The following KCNJ3 variants were observed in gnomAD, a reference collection of about 807,000 sequenced individuals.
KCNJ3 encodes the protein potassium inwardly rectifying channel subfamily J member 3, also known as G protein-activated inward rectifier potassium channel 1.
In KCNJ3, 4 loss-of-function variants were observed where a neutral mutation model predicts 39.2. The observed-to-expected ratio is 0.10, with a 90% CI of 0.05 to 0.23. KCNJ3 has a LOEUF of 0.23. Ranked by LOEUF, KCNJ3 falls within the 10% of genes least tolerant of loss-of-function variation. The probability of loss-of-function intolerance (pLI) is 1.00; values close to 1 mark genes in which losing one functional copy is unlikely to be tolerated. For missense variants in KCNJ3, 276 were observed against 634.9 expected (o/e 0.43, Z 6.08); for synonymous variants, 230 against 237.4 (o/e 0.97, Z 0.29).
Position 154,699,215 on chromosome 2 carries a change from G to A in KCNJ3, c.440G>A (p.Gly147Asp). Residue 147 changes from glycine (G) to aspartate (D), a missense_variant, in exon 1 of 3, where the codon GGC (glycine) becomes GAC (aspartate). Physicochemically the swap from Gly to Asp is moderately conservative, Grantham distance 94. This residue lies in a region of KCNJ3 where 46 missense variants were observed against 206.6 expected (regional missense o/e 0.22). Transcript: ENST00000295101. The surrounding 1 kb of genome is among the most constrained non-coding windows in gnomAD (Gnocchi z 6.4). ...GAGACGGAGGCCACCATCGGCTATG[G>A]CTACCGATACATCACAGACAAGTGC... ...FIETEATIGYGYRYITDKCPE... is the reference protein window; with the variant it reads ...FIETEATIGYDYRYITDKCPE... 1 of 1,614,028 alleles carries A rather than the reference G, an allele frequency of 6.2e-7. No individual in the cohort carries two copies. The highest frequency in any genetic ancestry group is 8.5e-7 in the Non-Finnish European group (1 of 1,180,030).
At chr2:154,759,961 A>C (rs1177614180) in intron 2 of KCNJ3, among the ~76,000 whole-genome samples, 1 of 152,170 alleles carries the variant, frequency 6.6e-6, no homozygotes, top group Admixed American at 6.5e-5. Flanking sequence ...GTTTCTTTAG[A>C]TAAGACAAGG....
At chr2:154,766,943 G>A (rs1686146267) in intron 2 of KCNJ3, among the ~76,000 whole-genome samples, 1 of 152,012 alleles carries the variant, frequency 6.6e-6, no homozygotes, top group South Asian at 2.1e-4. Context: ...CACTGTATCT[G>A]CCAGAGGGTT....
intron 1 of KCNJ3, among the ~76,000 whole-genome samples, chr2:154,703,273 A>C (rs916518959): frequency 2.6e-5 from 4 of 152,190 alleles, no homozygotes; most frequent in African/African-American, 9.6e-5. Flanking sequence ...ATTTTGAAAC[A>C]AAAAGGTAAG....
intron 1 of KCNJ3, among the ~76,000 whole-genome samples, chr2:154,700,129 A>C (rs940499916): frequency 6.6e-6 from 1 of 152,160 alleles, no homozygotes; most frequent in African/African-American, 2.4e-5. Context: ...TTTCTTGGAG[A>C]AGTATTCTTT....
At chr2:154,706,764 A>G (rs1392717365) in intron 1 of KCNJ3, among the ~76,000 whole-genome samples, 1 of 152,128 alleles carries the variant, frequency 6.6e-6, no homozygotes, top group Non-Finnish European at 1.5e-5. Flanking sequence ...GTAAGCATGT[A>G]TAGGTTTTGA....
intron 2 of KCNJ3, among the ~76,000 whole-genome samples, chr2:154,797,837 T>A (rs894022005): frequency 2.6e-5 from 4 of 152,148 alleles, no homozygotes; most frequent in African/African-American, 9.7e-5. Context: ...TATTGCATTA[T>A]TATCATAAAA....
intron 2 of KCNJ3, among the ~76,000 whole-genome samples, chr2:154,845,101 T>G (rs1687643759): frequency 6.6e-6 from 1 of 152,150 alleles, no homozygotes; most frequent in African/African-American, 2.4e-5. Context: ...AAGCTAGAAA[T>G]TTATTCTATT....
chr2:154,753,511 A>C (rs1685884440), intron 2 of KCNJ3, among the ~76,000 whole-genome samples: 1 of 152,088 alleles, frequency 6.6e-6, no homozygotes, highest in Non-Finnish European at 1.5e-5. Flanking sequence ...CTCAAGTTTC[A>C]ATTTTCAGTG....
intron 2 of KCNJ3, among the ~76,000 whole-genome samples, chr2:154,725,765 C>A (rs868844476): frequency 6.6e-6 from 1 of 152,106 alleles, no homozygotes; most frequent in African/African-American, 2.4e-5. Context: ...GCACATAGAC[C>A]AATGGAACAG....
chr2:154,837,549 A>G (rs951195271), intron 2 of KCNJ3, among the ~76,000 whole-genome samples: 2 of 152,090 alleles, frequency 1.3e-5, no homozygotes, highest in Non-Finnish European at 2.9e-5. Flanking sequence ...GAAGACTTTT[A>G]TTATTCAAAA....
intron 2 of KCNJ3, among the ~76,000 whole-genome samples, chr2:154,802,405 G>T (rs1303509275): frequency 6.6e-6 from 1 of 151,932 alleles, no homozygotes; most frequent in African/African-American, 2.4e-5. Context: ...TGACTTGGTT[G>T]TATTATCTCA....
At chr2:154,747,248 T>G (rs372316424) in intron 2 of KCNJ3, among the ~76,000 whole-genome samples, 172 of 152,144 alleles carry the variant, frequency 1.1e-3, no homozygotes, top group African/African-American at 4.0e-3. Context: ...ATTACTCCTT[T>G]TACTCGTATG....
intron 2 of KCNJ3, among the ~76,000 whole-genome samples, chr2:154,726,796 T>TAG (rs1685365229): frequency 1.7e-5 from 2 of 115,378 alleles, no homozygotes; most frequent in African/African-American, 3.1e-5. Context: ...TTTATATACA[T>TAG]ACACACACAC....
chr2:154,730,820 A>G (rs1403225216), intron 2 of KCNJ3, among the ~76,000 whole-genome samples: 1 of 152,134 alleles, frequency 6.6e-6, no homozygotes, highest in Non-Finnish European at 1.5e-5. Context: ...CCCTTCCAGT[A>G]GATGGCTCTT....
At chr2:154,721,910 A>G (rs3106652) in intron 2 of KCNJ3, among the ~76,000 whole-genome samples, 38,537 of 152,050 alleles carry the variant, frequency 0.25, 5,058 homozygotes, top group Non-Finnish European at 0.29. Flanking sequence ...CTCATTACCA[A>G]TAATGTTTCA....
intron 1 of KCNJ3, among the ~76,000 whole-genome samples, chr2:154,707,369 A>G (rs1007224243): frequency 6.6e-6 from 1 of 152,192 alleles, no homozygotes; most frequent in African/African-American, 2.4e-5. Context: ...AAAATTACTT[A>G]TGTCTGAATA....
chr2:154,764,173 G>A (rs992644858), intron 2 of KCNJ3, among the ~76,000 whole-genome samples: 4 of 152,084 alleles, frequency 2.6e-5, no homozygotes, highest in Non-Finnish European at 4.4e-5. Context: ...TTATATTCTG[G>A]GCTAAAATAA....
rs1036405851 is a variant in KCNJ3, at chr2:154,787,010, T to C, written c.920-67717T>C. Among the ~76,000 whole-genome samples the C allele has an allele frequency of 5.3e-5, 8 of 152,322 alleles. No individual in the cohort carries two copies. The East Asian group carries it at 1.4e-3, about 26-fold the overall frequency. ...TGAGGTATGAAGTGGGAATATGCTG[T>C]TAATAATGATAACGGTTGGCTTATT... On this transcript the variant is annotated intron_variant, in intron 2 of 2. Transcript: ENST00000295101.
At chr2:154,822,630 A>AACAT (rs1687203623) in intron 2 of KCNJ3, among the ~76,000 whole-genome samples, 1 of 152,200 alleles carries the variant, frequency 6.6e-6, no homozygotes, top group African/African-American at 2.4e-5. Flanking sequence ...AATTGCAGTA[A>AACAT]ACATACCTAT....
Sources: allele counts gnomAD v4.1 joint callset (sites outside exome capture counted in the v4.1 genomes callset), GRCh38; gene constraint gnomAD v4.1.1; regional missense constraint gnomAD v4.1.1; non-coding constraint Gnocchi (gnomAD v3.1); transcripts MANE v1.5; gene names NCBI Gene and HGNC (gene_info 2026-07-23, HGNC 2026-07-21).